MYO18A: variants seen among roughly 807,000 people sequenced by gnomAD.
MYO18A encodes the protein unconventional myosin-XVIIIa.
MYO18A carries 78 observed loss-of-function variants against 235.8 expected under a neutral mutation model. The ratio of observed to expected loss-of-function variants is 0.33; its 90% confidence interval spans 0.28 to 0.40. The LOEUF is 0.40. Among genes scored for constraint, MYO18A ranks in the 10% least tolerant of loss-of-function variants. The probability of loss-of-function intolerance (pLI) is 1.00; values close to 1 mark genes in which losing one functional copy is unlikely to be tolerated. For missense variants in MYO18A, 2,215 were observed against 2,699.3 expected, an observed-to-expected ratio of 0.82 and a Z score of 3.98; for synonymous variants, 977 against 1,077.8, an observed-to-expected ratio of 0.91 and a Z score of 1.83.
At position 29,158,833 on chromosome 17, in the gene MYO18A, C is replaced by T. The variant is rs928877577; in HGVS notation, c.999+7109G>A. Among the ~76,000 whole-genome samples the T allele has an allele frequency of 6.6e-6, 1 of 152,194 alleles. No homozygotes were observed. Among genetic ancestry groups the T allele is most frequent in the Non-Finnish European group, 1.5e-5 (1 of 68,032 alleles). ...CCACACACTCCCCTTCACCCTACTC[C>T]CCACTCACCCCCAGTCAGGGTGTTT... is the stretch of plus-strand genomic sequence containing the variant. On this transcript the variant is annotated intron_variant, in intron 2 of 41. Transcript: ENST00000527372. This position sits in a 1 kb window ranked among gnomAD's most constrained non-coding sequence, Gnocchi z 4.3.
intron 2 of MYO18A, among the ~76,000 whole-genome samples, chr17:29,144,804 A>C (rs2067813954): frequency 6.6e-6 from 1 of 152,178 alleles, no homozygotes; most frequent in African/African-American, 2.4e-5. Flanking sequence ...TATACAGTGG[A>C]GTCACACACT....
At position 29,115,374 on chromosome 17, in the gene MYO18A, G is replaced by A. The variant is rs779263099; in HGVS notation, c.2295C>T (p.Thr765=). ...ACCTATTCACCAGGGAGACGAGAAG[G>A]GTGAAGAGCTCGCTGTAGAGGCCGG... The part of the protein sequence containing the change: ...MAAGLYSELF[T]LLVSLVNRAL... The change falls in exon 13 of 42, where the codon ACC becomes ACT. Residue 765 remains threonine, a synonymous_variant. Transcript: ENST00000527372. 3 of 1,613,886 alleles carry A rather than the reference G, an allele frequency of 1.9e-6. No individual in the cohort carries two copies. Among genetic ancestry groups the A allele is most frequent in the African/African-American group, 2.7e-5 (2 of 74,942 alleles).
intron 2 of MYO18A, among the ~76,000 whole-genome samples, chr17:29,136,689 C>G (rs1469238957): frequency 6.6e-6 from 1 of 152,204 alleles, no homozygotes; most frequent in South Asian, 2.1e-4. Context: ...AGTGGGGGAA[C>G]CCAGACTTGA....
intron 18 of MYO18A, 36 bp downstream of exon 18, chr17:29,110,400 C>T: frequency 1.3e-6 from 2 of 1,540,656 alleles, no homozygotes; most frequent in Admixed American, 2.0e-5. Context: ...AGGAAGGGTC[C>T]CCAGGCCTGC....
At chr17:29,083,371 C>G (rs2066165309) in intron 40 of MYO18A, among the ~76,000 whole-genome samples, 1 of 152,186 alleles carries the variant, frequency 6.6e-6, no homozygotes, top group African/African-American at 2.4e-5. Flanking sequence ...AAGATTGCTT[C>G]TAAAATTCTG....
rs201219488 is a variant in MYO18A, at chr17:29,115,333, G to A, written c.2318+18C>T. 4 of 1,613,132 alleles carry A rather than the reference G, an allele frequency of 2.5e-6. No individual in the cohort carries two copies. The Admixed American group carries it at 6.7e-5, about 27-fold the overall frequency. On this transcript the variant is annotated intron_variant, in intron 13 of 41. Coordinates refer to ENST00000527372, the MANE Select transcript of MYO18A (RefSeq NM_078471.4). ...TCTGCCAAAGCAGGAAAAGCCCTGG[G>A]TCCTGCCTGGCACTCACCTATTCAC...
chr17:29,087,770 G>A (rs2066290849), intron 37 of MYO18A, among the ~76,000 whole-genome samples: 1 of 151,732 alleles, frequency 6.6e-6, no homozygotes, highest in Non-Finnish European at 1.5e-5. Flanking sequence ...AAAAGAGCCA[G>A]GCTGCAGGAT....
At chr17:29,087,956 G>A (rs1299509032) in intron 37 of MYO18A, among the ~76,000 whole-genome samples, 1 of 151,744 alleles carries the variant, frequency 6.6e-6, no homozygotes, top group Non-Finnish European at 1.5e-5. Flanking sequence ...TGATAGCTTT[G>A]TGACCTTAGG....
chr17:29,093,434 T>A lies in MYO18A; in HGVS notation c.4822-7A>T. The A allele has an allele frequency of 6.2e-7, 1 of 1,605,064 alleles. No individual in the cohort carries two copies. The highest frequency in any genetic ancestry group is 8.5e-7 in the Non-Finnish European group (1 of 1,176,296). ...GCACCTCCATCTGTTTTAACTGGAG[T>A]ACCATGGGGACAGAGACCCGTCCGT... On this transcript the variant is annotated splice_region_variant and splice_polypyrimidine_tract_variant and intron_variant, in intron 31 of 41. Transcript: ENST00000527372.
At chr17:29,177,205 C>G (rs977330991) in intron 1 of MYO18A, among the ~76,000 whole-genome samples, 2 of 152,156 alleles carry the variant, frequency 1.3e-5, no homozygotes, top group Non-Finnish European at 2.9e-5. Context: ...GGTTGTAATC[C>G]CGCTCTGCCT....
At chr17:29,136,564 T>A (rs1345516563) in intron 2 of MYO18A, among the ~76,000 whole-genome samples, 2 of 152,232 alleles carry the variant, frequency 1.3e-5, no homozygotes, top group Non-Finnish European at 2.9e-5. Flanking sequence ...GAACATTTAT[T>A]TTCTAATGTA....
chr17:29,129,109 C>G, intron 2 of MYO18A: 1 of 1,289,382 alleles, frequency 7.8e-7, no homozygotes, highest in Non-Finnish European at 1.0e-6. Flanking sequence ...AGACCAAGAG[C>G]CTACCCATCC....
rs1178963186 is a variant in MYO18A at position 29,106,457 on chromosome 17, G to A, written c.3441+623C>T. Reference sequence around the variant, plus strand: ...CTCCATTTAGGGAAGCCATCCTAAGGTCTGAGGTGCTTTCAGAATCAGGCT... The same window carrying A: ...CTCCATTTAGGGAAGCCATCCTAAGATCTGAGGTGCTTTCAGAATCAGGCT... On this transcript the variant is annotated intron_variant, in intron 20 of 41. Coordinates refer to ENST00000527372, the MANE Select transcript of MYO18A (RefSeq NM_078471.4). The surrounding 1 kb of genome is among the most constrained non-coding windows in gnomAD (Gnocchi z 4.6). Among the ~76,000 whole-genome samples the A allele has an allele frequency of 6.6e-6, 1 of 152,196 alleles. No homozygotes were observed. The highest frequency in any genetic ancestry group is 2.4e-5 in the African/African-American group (1 of 41,456).
chr17:29,093,329 G>T lies in MYO18A; in HGVS notation c.4920C>A (p.Ser1640Arg). Residue 1640 changes from serine to arginine, a missense_variant, in exon 32 of 42, where the codon AGC becomes AGA. Coordinates refer to ENST00000527372, the MANE Select transcript of MYO18A (RefSeq NM_078471.4). ...RELEGKLATL[S>R]DQVNRRDFES... Reference sequence around the variant, plus strand: ...GGGTGGAGCATCCCCTGACCTGGTCGCTGAGGGTGGCGAGCTTGCCCTCCA... The same window carrying T: ...GGGTGGAGCATCCCCTGACCTGGTCTCTGAGGGTGGCGAGCTTGCCCTCCA... 1.2e-6 allele frequency: 2 copies of T among 1,610,714 alleles called. No homozygotes were observed.
intron 2 of MYO18A, among the ~76,000 whole-genome samples, chr17:29,141,643 C>T (rs550294696): frequency 6.6e-6 from 1 of 152,352 alleles, no homozygotes; most frequent in Non-Finnish European, 1.5e-5. Flanking sequence ...ACCTGCCATG[C>T]GCTGTCCAAG....
chr17:29,153,170 T>G (rs1176452551), intron 2 of MYO18A, among the ~76,000 whole-genome samples: 2 of 152,132 alleles, frequency 1.3e-5, no homozygotes, highest in African/African-American at 4.8e-5. Context: ...ACACCCAGGA[T>G]GGACTGCAGT....
chr17:29,091,899 G>A, intron 34 of MYO18A: 1 of 326,332 alleles, frequency 3.1e-6, no homozygotes, highest in East Asian at 8.3e-5. Flanking sequence ...AATTAAAAGG[G>A]AGGCATTAAA....
At chr17:29,116,521 T>C (rs2067065497) in intron 10 of MYO18A, 66 bp from the exon 11 acceptor site, 6 of 1,606,820 alleles carry the variant, frequency 3.7e-6, no homozygotes, top group Admixed American at 3.3e-5. Context: ...CAGTCATCAA[T>C]AGAGCTCGCC....
intron 20 of MYO18A, among the ~76,000 whole-genome samples, chr17:29,104,457 T>C (rs1303904731): frequency 6.6e-6 from 1 of 152,170 alleles, no homozygotes; most frequent in Non-Finnish European, 1.5e-5. Flanking sequence ...GTAGGGAATA[T>C]AAGAGAAAGA....
Sources: allele counts gnomAD v4.1 joint callset (sites outside exome capture counted in the v4.1 genomes callset), GRCh38; gene constraint gnomAD v4.1.1; non-coding constraint Gnocchi (gnomAD v3.1); transcripts MANE v1.5; gene names NCBI Gene and HGNC (gene_info 2026-07-23, HGNC 2026-07-21).